PIGK: variants seen among roughly 807,000 people sequenced by gnomAD.
The protein encoded by PIGK is phosphatidylinositol glycan anchor biosynthesis class K.
PIGK carries 42 observed loss-of-function variants against 50.6 expected under a neutral mutation model. That is an observed-to-expected ratio of 0.83 (90% CI 0.65 to 1.07). PIGK has a LOEUF of 1.07. Ranked by LOEUF, PIGK falls within the 50% of genes least tolerant of loss-of-function variation. PIGK has a pLI of 0.00. For missense variants in PIGK, 448 were observed against 488.7 expected (o/e 0.92, Z 0.78); for synonymous variants, 151 against 156.0 (o/e 0.97, Z 0.24).
intron 10 of PIGK, among the ~76,000 whole-genome samples, chr1:77,119,267 T>C (rs918715333): frequency 1.3e-5 from 2 of 152,222 alleles, no homozygotes; most frequent in African/African-American, 4.8e-5. Flanking sequence ...ACTTTCATCA[T>C]GTTGTTTATT....
rs1416906837 is a variant in PIGK at position 77,115,456 on chromosome 1, A to T, written c.1071+6819T>A. Among the ~76,000 whole-genome samples, 3 of 151,012 alleles carry T rather than the reference A, an allele frequency of 2.0e-5. No homozygotes were observed. The East Asian group carries it at 5.8e-4, about 29-fold the overall frequency. ...GTGAGGGCATTTTTTTTTTTTTAGC[A>T]TCACAATGACTAAGCAGTGCTATTG... On this transcript the variant is annotated intron_variant, in intron 10 of 10. Transcript: ENST00000370812.
intron 4 of PIGK, among the ~76,000 whole-genome samples, chr1:77,168,520 G>A (rs1242229646): frequency 1.3e-5 from 2 of 151,820 alleles, no homozygotes; most frequent in Middle Eastern, 3.2e-3. Flanking sequence ...AATTCAATGA[G>A]CCAACATTTT....
intron 2 of PIGK, among the ~76,000 whole-genome samples, chr1:77,208,544 G>A (rs761431400): frequency 2.0e-5 from 3 of 152,134 alleles, no homozygotes; most frequent in Non-Finnish European, 4.4e-5. Context: ...GGGGCTCCTA[G>A]TTTCCTGTAG....
At chr1:77,182,922 G>T (rs759006828) in intron 3 of PIGK, among the ~76,000 whole-genome samples, 15 of 152,142 alleles carry the variant, frequency 9.9e-5, no homozygotes, top group Admixed American at 2.0e-4. Flanking sequence ...TAATGAAGCT[G>T]GTTGGTTGCT....
chr1:77,107,107 T>C (rs188916549), intron 10 of PIGK, among the ~76,000 whole-genome samples: 4 of 152,332 alleles, frequency 2.6e-5, no homozygotes, highest in African/African-American at 9.6e-5. Flanking sequence ...GCTCTGATCT[T>C]AGTTATTTCT....
chr1:77,206,024 G>A (rs1656278666), intron 3 of PIGK, among the ~76,000 whole-genome samples: 1 of 152,022 alleles, frequency 6.6e-6, no homozygotes, highest in Admixed American at 6.6e-5. Flanking sequence ...TTCCCACCAA[G>A]ACCTCTATAA....
At chr1:77,194,764 G>A (rs1046090518) in intron 3 of PIGK, 1 of 352,888 alleles carries the variant, frequency 2.8e-6, no homozygotes, top group Non-Finnish European at 5.4e-6. Context: ...TAACAAATCT[G>A]CATATGTACC....
intron 10 of PIGK, among the ~76,000 whole-genome samples, chr1:77,110,030 A>C (rs1032255328): frequency 5.3e-5 from 8 of 152,188 alleles, no homozygotes; most frequent in Non-Finnish European, 8.8e-5. Flanking sequence ...AGAGAATAAA[A>C]TACCTAGAAA....
intron 9 of PIGK, among the ~76,000 whole-genome samples, chr1:77,136,400 G>A (rs12735141): frequency 0.11 from 17,020 of 150,538 alleles, 1,285 homozygotes; most frequent in African/African-American, 0.21. Flanking sequence ...GTAGTGGCGG[G>A]CGCCTGTAGT....
intron 10 of PIGK, among the ~76,000 whole-genome samples, chr1:77,109,348 C>T (rs1370374587): frequency 6.6e-6 from 1 of 152,114 alleles, no homozygotes; most frequent in Non-Finnish European, 1.5e-5. Flanking sequence ...AACATCAATG[C>T]AAAAATCCTC....
intron 10 of PIGK, among the ~76,000 whole-genome samples, chr1:77,106,175 G>C (rs1018776871): frequency 1.3e-5 from 2 of 152,114 alleles, no homozygotes; most frequent in African/African-American, 4.8e-5. Flanking sequence ...ACAGGATTTT[G>C]TTACTTTGCT....
At chr1:77,201,347 G>A (rs576205629) in intron 3 of PIGK, among the ~76,000 whole-genome samples, 1 of 152,232 alleles carries the variant, frequency 6.6e-6, no homozygotes, top group Admixed American at 6.5e-5. Context: ...TAAGGTCAAG[G>A]GTGACTTGTT....
chr1:77,204,083 A>T (rs114744535), intron 3 of PIGK, among the ~76,000 whole-genome samples: 2,362 of 152,282 alleles, frequency 0.016, 70 homozygotes, highest in African/African-American at 0.053. Context: ...TGACTGCCTA[A>T]GGGGCCAGAC....
rs200985315 is a variant in PIGK, at chr1:77,189,748, T to TACAC, written c.239+16888_239+16891dup. Among the ~76,000 whole-genome samples, 73 of 53,942 alleles carry TACAC rather than the reference T, an allele frequency of 1.4e-3. 1 individual carries two copies. Among genetic ancestry groups the TACAC allele is most frequent in the East Asian group, 2.6e-3 (4 of 1,568 alleles). 35.4% of individuals were successfully genotyped at this position (53,942 alleles called of 152,430 possible). On this transcript the variant is annotated intron_variant, in intron 3 of 10. Coordinates refer to ENST00000370812, the MANE Select transcript of PIGK (RefSeq NM_005482.3). ...ATATATATATATATATATATATATATACACACACACACACACACACACACA... is the reference window on the plus strand; with the variant it reads ...ATATATATATATATATATATATATATACACACACACACACACACACACACACACA...
chr1:77,210,194 C>A (rs1296002845), intron 2 of PIGK, among the ~76,000 whole-genome samples: 1 of 151,904 alleles, frequency 6.6e-6, no homozygotes, highest in Non-Finnish European at 1.5e-5. Context: ...TTAACAATAG[C>A]ATTCCTAATT....
At chr1:77,176,201 C>T (rs1212931904) in intron 3 of PIGK, among the ~76,000 whole-genome samples, 1 of 152,092 alleles carries the variant, frequency 6.6e-6, no homozygotes, top group East Asian at 1.9e-4. Context: ...GTGTTTAAAA[C>T]TCTAACATGT....
intron 10 of PIGK, among the ~76,000 whole-genome samples, chr1:77,110,140 G>A (rs1653802289): frequency 1.3e-5 from 2 of 152,194 alleles, no homozygotes; most frequent in Non-Finnish European, 2.9e-5. Context: ...ACTATTCCAT[G>A]CTCATGGGTA....
At chr1:77,119,178 C>A (rs72681893) in intron 10 of PIGK, among the ~76,000 whole-genome samples, 1 of 152,072 alleles carries the variant, frequency 6.6e-6, no homozygotes, top group African/African-American at 2.4e-5. Flanking sequence ...ATCATGTGGT[C>A]ATTTTTTCCT....
At chr1:77,101,028 G>A (rs558152248) in intron 10 of PIGK, among the ~76,000 whole-genome samples, 40 of 152,254 alleles carry the variant, frequency 2.6e-4, no homozygotes, top group Non-Finnish European at 4.9e-4. Flanking sequence ...TGGAAAGTGC[G>A]AGATAATAAT....
Sources: gnomAD v4.1 joint callset for allele counts (sites outside exome capture counted in the v4.1 genomes callset) on GRCh38, gnomAD v4.1.1 for gene constraint, MANE v1.5 for transcripts, NCBI Gene and HGNC (gene_info 2026-07-23, HGNC 2026-07-21) for gene names.